CCDC50: variants seen among roughly 807,000 people sequenced by gnomAD.
CCDC50 encodes the protein coiled-coil domain containing 50.
Under a neutral mutation model 70.2 loss-of-function variants are expected in CCDC50, and 54 were observed. That is an observed-to-expected ratio of 0.77 (90% CI 0.62 to 0.96). CCDC50 has a LOEUF of 0.96. Among genes scored for constraint, CCDC50 ranks in the 50% least tolerant of loss-of-function variants. CCDC50 has a pLI of 0.00. For missense variants in CCDC50, 558 were observed against 578.7 expected (o/e 0.96, Z 0.37); for synonymous variants, 216 against 198.8 (o/e 1.09, Z -0.73).
intron 1 of CCDC50, among the ~76,000 whole-genome samples, chr3:191,354,000 A>C (rs1712190368): frequency 6.6e-6 from 1 of 152,192 alleles, no homozygotes; most frequent in Non-Finnish European, 1.5e-5. Context: ...CATTATGAGG[A>C]GTCATCAAGG....
rs777594658 is a variant in CCDC50, at chr3:191,329,640, C to CCG, written c.-32_-31dup. ...TCGGCGCCGGCGGTGACCGGGAAGC[C>CCG]CGCGTTAAAGGGGCAACCGGGACCC... On this transcript the variant is annotated 5_prime_UTR_variant, in exon 1 of 12. Transcript: ENST00000392455. The CCG allele has an allele frequency of 1.9e-6, 3 of 1,596,510 alleles. No homozygotes were observed. In the Admixed American group the frequency reaches 5.2e-5, roughly 28 times the overall value.
intron 3 of CCDC50, 72 bp downstream of exon 3, chr3:191,358,196 GAGA>G: frequency 6.3e-7 from 1 of 1,579,708 alleles, no homozygotes; most frequent in South Asian, 1.1e-5. Context: ...CAGGGCAGGG[GAGA>G]AGGAGACTAC....
At position 191,392,133 on chromosome 3, in the gene CCDC50, A is replaced by C; in HGVS notation, c.*373A>C. 5.0e-6 allele frequency: 1 copy of C among 198,266 alleles called. No homozygotes were observed. The highest frequency in any genetic ancestry group is 1.0e-5 in the Non-Finnish European group (1 of 96,116). 12.3% of individuals were successfully genotyped at this position (198,266 alleles called of 1,614,324 possible). A position where few individuals can be genotyped will look rare whatever the true frequency, so the allele number is the denominator to read the frequency against. On this transcript the variant is annotated 3_prime_UTR_variant, in exon 12 of 12. Transcript: ENST00000392455. ...ATGATCAAAGTGAAACAATGTTTGG[A>C]TGCAACGCAGAATAAAAGAATATAA...
rs2108649071 is a variant in CCDC50, at chr3:191,358,103, T to C, written c.218T>C (p.Leu73Pro). 1.2e-6 allele frequency: 2 copies of C among 1,613,792 alleles called. No homozygotes were observed. The highest frequency in any genetic ancestry group is 1.7e-6 in the Non-Finnish European group (2 of 1,179,874). ...GAAGATCTGAAAGCGCAGGCCCAGC[T>C]CCAGAAGCGCTACAAAGACCTGTGA... ...QEEDLKAQAQ[L>P]QKRYKDLEQQ... is the part of the protein sequence containing the mutation. Residue 73 changes from leucine (L) to proline (P), a missense_variant, in exon 3 of 12, where the codon CTC becomes CCC. By Grantham distance (98) the Leu-to-Pro change is moderately conservative (BLOSUM62 -3). Coordinates refer to ENST00000392455, the MANE Select transcript of CCDC50 (RefSeq NM_178335.3).
intron 6 of CCDC50, among the ~76,000 whole-genome samples, chr3:191,376,608 C>A (rs1020561077): frequency 1.3e-5 from 2 of 152,100 alleles, no homozygotes; most frequent in African/African-American, 2.4e-5. Context: ...TATTGAAGGA[C>A]TTGGTTATGC....
At chr3:191,370,106 C>G in intron 5 of CCDC50, 70 bp downstream of exon 5, 5 of 1,116,902 alleles carry the variant, frequency 4.5e-6, no homozygotes, top group Non-Finnish European at 6.8e-6. Context: ...TAATTTTGTT[C>G]ATAAAGTGAC....
Position 191,397,066 on chromosome 3 carries a change from A to T in CCDC50, c.*5306A>T, listed in dbSNP as rs540203224. The stretch of plus-strand genomic sequence containing the variant: ...AGGGCATAATTAATTGTGTAACTTA[A>T]TGCCCTGTTATTCATTGCTGAGGTT... On this transcript the variant is annotated 3_prime_UTR_variant, in exon 12 of 12. Transcript: ENST00000392455. 3.9e-5 allele frequency: 6 copies of T among 152,342 alleles called. No homozygotes were observed. In the South Asian group the frequency reaches 1.2e-3, roughly 32 times the overall value. 9.4% of individuals were successfully genotyped at this position (152,342 alleles called of 1,614,324 possible). A position where few individuals can be genotyped will look rare whatever the true frequency, so the allele number is the denominator to read the frequency against.
chr3:191,334,053 A>G (rs534260183), intron 1 of CCDC50, among the ~76,000 whole-genome samples: 1 of 152,274 alleles, frequency 6.6e-6, no homozygotes, highest in Non-Finnish European at 1.5e-5. Context: ...TTACTTGAGT[A>G]ATAATAGGTT....
chr3:191,342,358 A>G (rs960773469), intron 1 of CCDC50, among the ~76,000 whole-genome samples: 7 of 152,172 alleles, frequency 4.6e-5, no homozygotes, highest in Non-Finnish European at 7.3e-5. Context: ...TCAATCGTTT[A>G]AAGTTGAAAT....
In CCDC50 at chr3:191,392,092, A is replaced by G. The variant is rs960883972; in HGVS notation, c.*332A>G. On this transcript the variant is annotated 3_prime_UTR_variant, in exon 12 of 12. Coordinates refer to ENST00000392455, the MANE Select transcript of CCDC50 (RefSeq NM_178335.3). ...GGAGTAGGCCTTATTTAGCAATTCA[A>G]ATTTTATGGAGATGAATGATCAAAG... The G allele has an allele frequency of 2.1e-5, 5 of 233,242 alleles. No individual in the cohort carries two copies. Among genetic ancestry groups the G allele is most frequent in the East Asian group, 1.7e-4 (2 of 11,546 alleles). 14.4% of individuals were successfully genotyped at this position (233,242 alleles called of 1,614,324 possible).
chr3:191,332,439 G>A (rs1718022878), intron 1 of CCDC50, among the ~76,000 whole-genome samples: 1 of 152,160 alleles, frequency 6.6e-6, no homozygotes, highest in African/African-American at 2.4e-5. Flanking sequence ...CTGGTTAAAA[G>A]TGTGTTTGGA....
intron 1 of CCDC50, among the ~76,000 whole-genome samples, chr3:191,329,944 G>GTA (rs1466208528): frequency 3.4e-5 from 1 of 29,194 alleles, no homozygotes; most frequent in African/African-American, 5.2e-4. Context: ...GGGGTGGTTG[G>GTA]GGGGGGGGGG....
chr3:191,345,931 T>C (rs1247787640), intron 1 of CCDC50, among the ~76,000 whole-genome samples: 2 of 152,246 alleles, frequency 1.3e-5, no homozygotes, highest in African/African-American at 4.8e-5. Context: ...TATAATATAG[T>C]GCTCCCTATT....
At chr3:191,372,243 G>T (rs186391193) in intron 5 of CCDC50, among the ~76,000 whole-genome samples, 1 of 152,110 alleles carries the variant, frequency 6.6e-6, no homozygotes, top group African/African-American at 2.4e-5. Context: ...AGAGAGTGGC[G>T]TATATGCTTG....
chr3:191,385,540 C>T (rs753990672), intron 10 of CCDC50, among the ~76,000 whole-genome samples: 3 of 152,106 alleles, frequency 2.0e-5, no homozygotes, highest in Non-Finnish European at 4.4e-5. Flanking sequence ...CCTAAAGAGT[C>T]CAGATATTAA....
At position 191,394,049 on chromosome 3, in the gene CCDC50, G is replaced by C. The variant is rs1303759336; in HGVS notation, c.*2289G>C. 6.6e-6 allele frequency: 1 copy of C among 151,930 alleles called. No individual in the cohort carries two copies. The highest frequency in any genetic ancestry group is 1.5e-5 in the Non-Finnish European group (1 of 67,956). The allele number at this position is 151,930 out of a possible 1,614,324, so 9.4% of individuals were successfully genotyped here. ...TTATTATTGTAAAATGTTAACTGGA[G>C]ATACTGCATTCAAAAAAAAGTCGGA... On this transcript the variant is annotated 3_prime_UTR_variant, in exon 12 of 12. Transcript: ENST00000392455.
intron 9 of CCDC50, among the ~76,000 whole-genome samples, chr3:191,381,282 T>TC: frequency 6.6e-6 from 1 of 152,166 alleles, no homozygotes; most frequent in South Asian, 2.1e-4. Flanking sequence ...ACAATGAACT[T>TC]CTCTTCCCGT....
chr3:191,359,061 A>G (rs1371659190), intron 3 of CCDC50, among the ~76,000 whole-genome samples: 3 of 152,216 alleles, frequency 2.0e-5, no homozygotes, highest in African/African-American at 7.2e-5. Flanking sequence ...GACCAGAGAT[A>G]TGAATAAGAC....
intron 6 of CCDC50, among the ~76,000 whole-genome samples, chr3:191,379,648 G>A (rs1419063396): frequency 1.3e-5 from 2 of 152,054 alleles, no homozygotes; most frequent in African/African-American, 2.4e-5. Context: ...CAGGACCACT[G>A]CTTGTCTCAC....
Sources: allele counts gnomAD v4.1 joint callset (sites outside exome capture counted in the v4.1 genomes callset), GRCh38; gene constraint gnomAD v4.1.1; transcripts MANE v1.5; gene names NCBI Gene and HGNC (gene_info 2026-07-23, HGNC 2026-07-21).